The following SEM1 variants were observed in gnomAD, a reference collection of about 807,000 sequenced individuals.
SEM1 encodes the protein SEM1 26S proteasome subunit, also known as 26S proteasome complex subunit SEM1.
A neutral mutation model predicts 12.7 loss-of-function variants in SEM1; 3 were observed. The ratio of observed to expected loss-of-function variants is 0.24; its 90% CI spans 0.11 to 0.61. SEM1 has a LOEUF of 0.61. Ranked by LOEUF, SEM1 falls within the 20% of genes least tolerant of loss-of-function variation. SEM1 has a pLI of 0.88. For synonymous variants in SEM1, 30 were observed against 27.8 expected (o/e 1.08, Z -0.25); for missense variants, 59 against 81.3 (o/e 0.73, Z 1.06).
chr7:96,661,735 C>T (rs954983260), intron 2 of SEM1, among the ~76,000 whole-genome samples: 1 of 152,150 alleles, frequency 6.6e-6, no homozygotes, highest in Non-Finnish European at 1.5e-5. Context: ...TGCCTGTAAT[C>T]CCAGCACTTT....
At chr7:96,581,024 G>T (rs897365607) in intron 2 of SEM1, among the ~76,000 whole-genome samples, 31 of 152,180 alleles carry the variant, frequency 2.0e-4, no homozygotes, top group South Asian at 1.0e-3. Flanking sequence ...TTTTGGTGTT[G>T]TAGACATGAA....
At chr7:96,593,271 G>C (rs1290219954) in intron 2 of SEM1, among the ~76,000 whole-genome samples, 1 of 152,096 alleles carries the variant, frequency 6.6e-6, no homozygotes, top group Non-Finnish European at 1.5e-5. Context: ...AACACATATT[G>C]CTTGATGGCA....
At chr7:96,483,865 A>C (rs1263056422) in exon 4 of SEM1, 78 of 1,536,708 alleles carry the variant, frequency 5.1e-5, no homozygotes, top group Non-Finnish European at 6.7e-5. Context: ...GCTGCTAGCA[A>C]GTTCTTTCTG....
intron 2 of SEM1, among the ~76,000 whole-genome samples, chr7:96,590,628 A>T (rs1318161642): frequency 6.6e-6 from 1 of 152,244 alleles, no homozygotes; most frequent in Non-Finnish European, 1.5e-5. Context: ...AATTGATAAA[A>T]GTTTAGCAGC....
intron 2 of SEM1, among the ~76,000 whole-genome samples, chr7:96,610,818 C>A (rs1044571724): frequency 4.6e-5 from 7 of 152,164 alleles, no homozygotes; most frequent in Non-Finnish European, 1.0e-4. Context: ...CCCTAGACTG[C>A]TTATCATTGA....
downstream of SEM1, chr7:96,688,643 T>TAAAA: frequency 5.2e-6 from 1 of 193,650 alleles, no homozygotes. Flanking sequence ...CAGTTAACAT[T>TAAAA]AAAAAAAAAA....
chr7:96,624,046 G>C (rs1807979468), intron 2 of SEM1, among the ~76,000 whole-genome samples: 1 of 152,006 alleles, frequency 6.6e-6, no homozygotes. Context: ...AGATTCTTAA[G>C]TTAATTACAT....
chr7:96,588,593 G>C (rs1806731996), intron 2 of SEM1, among the ~76,000 whole-genome samples: 1 of 151,908 alleles, frequency 6.6e-6, no homozygotes, highest in Non-Finnish European at 1.5e-5. Flanking sequence ...AAGAAAAAAA[G>C]ACAGTGAGGA....
At chr7:96,525,659 A>C (rs1308318794) in intron 2 of SEM1, among the ~76,000 whole-genome samples, 1 of 152,104 alleles carries the variant, frequency 6.6e-6, no homozygotes, top group Non-Finnish European at 1.5e-5. Flanking sequence ...CCTATAAAGC[A>C]GGGGTCTCCA....
At chr7:96,628,267 C>A (rs1213938898) in intron 2 of SEM1, among the ~76,000 whole-genome samples, 2 of 152,040 alleles carry the variant, frequency 1.3e-5, no homozygotes, top group Non-Finnish European at 2.9e-5. Flanking sequence ...AGTACTTACT[C>A]CTGCCATTTT....
In SEM1 at chr7:96,645,092, A is replaced by G. The variant is rs185254591; in HGVS notation, c.171-22449T>C. 6.3e-4 allele frequency among the ~76,000 whole-genome samples: 96 copies of G among 152,282 alleles called. 2 individuals carry two copies. In the East Asian group the frequency reaches 0.018, roughly 29 times the overall value. The stretch of plus-strand genomic sequence containing the variant: ...CTGTTTTTCTTAATGCCATCTTTAT[A>G]CTTTTTATCATACAGATGTTAGACT... On this transcript the variant is annotated intron_variant, in intron 2 of 2. Coordinates refer to the SEM1 transcript ENST00000417009.
At position 96,605,495 on chromosome 7, in the gene SEM1, CTCTG is replaced by C. The variant is rs575789355; in HGVS notation, c.170+89299_170+89302del. Among the ~76,000 whole-genome samples the C allele has an allele frequency of 2.8e-4, 42 of 152,322 alleles. 2 individuals carry two copies. In the South Asian group the frequency reaches 8.7e-3, roughly 32 times the overall value. On this transcript the variant is annotated intron_variant and NMD_transcript_variant, in intron 2 of 3. Transcript: ENST00000466986. ...GGTCAGGAGTTACCCTCTGACCTCACTCTGTCTGAGTTGAATTTTAAACAAAAGC... is the reference window on the plus strand; with the variant it reads ...GGTCAGGAGTTACCCTCTGACCTCACTCTGAGTTGAATTTTAAACAAAAGC...
intron 2 of SEM1, among the ~76,000 whole-genome samples, chr7:96,615,239 A>ATTTT (rs1421596853): frequency 0.043 from 4,215 of 96,970 alleles, 652 homozygotes; most frequent in African/African-American, 0.1. Flanking sequence ...TTTTTGAGTC[A>ATTTT]TCTTTTTTTT....
At chr7:96,487,058 G>C (rs1483328546) in intron 1 of SEM1, among the ~76,000 whole-genome samples, 2 of 152,012 alleles carry the variant, frequency 1.3e-5, no homozygotes, top group African/African-American at 2.4e-5. Context: ...CTGGAGCTGG[G>C]AGAGTCCAAG....
At chr7:96,495,868 G>C (rs1803222816) in intron 1 of SEM1, among the ~76,000 whole-genome samples, 1 of 152,062 alleles carries the variant, frequency 6.6e-6, no homozygotes, top group African/African-American at 2.4e-5. Flanking sequence ...TTCTGTATCA[G>C]AGACCACACT....
intron 2 of SEM1, among the ~76,000 whole-genome samples, chr7:96,520,639 G>A (rs906979486): frequency 4.6e-5 from 7 of 152,170 alleles, no homozygotes; most frequent in East Asian, 1.9e-4. Context: ...GAGAAGTTTC[G>A]GAAGAAAATC....
At position 96,634,031 on chromosome 7, in the gene SEM1, A is replaced by T. The variant is rs545491501; in HGVS notation, c.171-11388T>A. On this transcript the variant is annotated intron_variant, in intron 2 of 2. Coordinates refer to the SEM1 transcript ENST00000417009. Reference sequence around the variant, plus strand: ...TCTTTAAAAGATAGGTAGGTAACCTAAATGCATGATCTCTCCTTGTGTGAG... The same window carrying T: ...TCTTTAAAAGATAGGTAGGTAACCTTAATGCATGATCTCTCCTTGTGTGAG... Among the ~76,000 whole-genome samples, 91 of 152,260 alleles carry T rather than the reference A, an allele frequency of 6.0e-4. 2 individuals are homozygous for T. The South Asian group carries it at 0.018, about 30-fold the overall frequency.
chr7:96,492,083 A>G (rs1308788655), intron 1 of SEM1, among the ~76,000 whole-genome samples: 1 of 152,184 alleles, frequency 6.6e-6, no homozygotes, highest in Non-Finnish European at 1.5e-5. Flanking sequence ...TATACATAAT[A>G]TAAACTTAAC....
chr7:96,685,589 G>A (rs1309956531), downstream of SEM1, among the ~76,000 whole-genome samples: 1 of 151,972 alleles, frequency 6.6e-6, no homozygotes, highest in East Asian at 1.9e-4. Context: ...CACTTCCTGA[G>A]TGACTATGGG....
Sources: gnomAD v4.1 joint callset for allele counts (sites outside exome capture counted in the v4.1 genomes callset) on GRCh38, gnomAD v4.1.1 for gene constraint, MANE v1.5 for transcripts, NCBI Gene and HGNC (gene_info 2026-07-23, HGNC 2026-07-21) for gene names.